The following SV2B variants were observed in gnomAD, a reference collection of about 807,000 sequenced individuals.
SV2B encodes the protein synaptic vesicle glycoprotein 2B, also known as solute carrier family 22 member B2.
SV2B carries 41 observed loss-of-function variants against 73.9 expected under a neutral mutation model. The observed-to-expected ratio is 0.56, with a 90% CI of 0.43 to 0.72. The LOEUF (loss-of-function observed/expected upper bound fraction) is 0.72. Among genes scored for constraint, SV2B ranks in the 30% least tolerant of loss-of-function variants. The pLI, the probability that SV2B is intolerant of heterozygous loss-of-function variation, is 0.00. For synonymous variants in SV2B, 314 were observed against 314.2 expected, an observed-to-expected ratio of 1.00 and a Z score of 0.01; for missense variants, 764 against 857.8, an observed-to-expected ratio of 0.89 and a Z score of 1.37.
chr15:91,211,122 G>A lies in SV2B; in HGVS notation c.-391-14751G>A, dbSNP rs111575973. Among the ~76,000 whole-genome samples, 1,175 of 152,304 alleles carry A rather than the reference G, an allele frequency of 7.7e-3. 13 individuals carry two copies. The highest frequency in any genetic ancestry group is 0.027 in the African/African-American group (1,122 of 41,558). ...AAGGGTCCTGTATGGCCAAATCAAC[G>A]GCAGTAGTTTCGAAGCCGCTAAGAG... On this transcript the variant is annotated intron_variant, in intron 1 of 12. Coordinates refer to ENST00000394232, the MANE Select transcript of SV2B (RefSeq NM_001323032.3).
chr15:91,154,215 T>C (rs2043410426), intron 1 of SV2B, among the ~76,000 whole-genome samples: 1 of 149,998 alleles, frequency 6.7e-6, no homozygotes, highest in Non-Finnish European at 1.5e-5. Flanking sequence ...TAAAGTAATA[T>C]AAAGATACTT....
In SV2B at chr15:91,258,377, A is replaced by G; in HGVS notation, c.785-44A>G. On this transcript the variant is annotated intron_variant, in intron 4 of 12. Transcript: ENST00000394232. This position sits in a 1 kb window ranked among gnomAD's most constrained non-coding sequence, Gnocchi z 4.7. Reference sequence around the variant, plus strand: ...TCAGAGTCACTCTTCCGTAGAGGAAAAGATCATGTCCCAGAAATCCTTTGA... The same window carrying G: ...TCAGAGTCACTCTTCCGTAGAGGAAGAGATCATGTCCCAGAAATCCTTTGA... The G allele has an allele frequency of 6.2e-7, 1 of 1,609,908 alleles. No homozygotes were observed.
At chr15:91,100,163 A>G (rs1314678758), upstream of SV2B, 1 of 151,666 alleles carries the variant, frequency 6.6e-6, no homozygotes, top group Non-Finnish European at 1.5e-5. This position sits in a 1 kb window ranked among gnomAD's most constrained non-coding sequence, Gnocchi z 6.4. Flanking sequence ...CGTGCTCTGT[A>G]GCGCGGGGGC....
intron 1 of SV2B, among the ~76,000 whole-genome samples, chr15:91,117,763 A>G (rs1435989807): frequency 6.6e-6 from 1 of 152,232 alleles, no homozygotes; most frequent in Non-Finnish European, 1.5e-5. Context: ...CTCTTCTCAC[A>G]GTAGAAGACA....
At chr15:91,144,520 C>T (rs182774590) in intron 1 of SV2B, among the ~76,000 whole-genome samples, 1 of 152,154 alleles carries the variant, frequency 6.6e-6, no homozygotes, top group African/African-American at 2.4e-5. Flanking sequence ...GCAATTTTTC[C>T]TTCCTCCTGC....
intron 6 of SV2B, 45 bp downstream of exon 6, chr15:91,260,454 C>T (rs1270899588): frequency 2.0e-6 from 3 of 1,471,368 alleles, no homozygotes; most frequent in Non-Finnish European, 2.8e-6. Context: ...TTCTCCTCTT[C>T]ACTGCTTTGA....
At position 91,258,281 on chromosome 15, in the gene SV2B, GCT is replaced by G; in HGVS notation, c.785-139_785-138del. 6 of 1,188,452 alleles carry G rather than the reference GCT, an allele frequency of 5.0e-6. No individual in the cohort carries two copies. The highest frequency in any genetic ancestry group is 6.9e-6 in the Non-Finnish European group (6 of 866,706). The allele number at this position is 1,188,452 out of a possible 1,614,324, so 73.6% of individuals were successfully genotyped here. A position where few individuals can be genotyped will look rare whatever the true frequency, so the allele number is the denominator to read the frequency against. ...ATGACTCAGAAGCTTCGGAGGCACA[GCT>G]GAGGAGTCTGCATTTTAACCACCTC... On this transcript the variant is annotated intron_variant, in intron 4 of 12. Transcript: ENST00000394232. The surrounding 1 kb of genome is among the most constrained non-coding windows in gnomAD (Gnocchi z 4.7).
chr15:91,226,106 G>GT lies in SV2B; in HGVS notation c.-158_-157insT. On this transcript the variant is annotated 5_prime_UTR_variant, in exon 2 of 13. Coordinates refer to ENST00000394232, the MANE Select transcript of SV2B (RefSeq NM_001323032.3). ...AAATCTGGTTGATTTGAGAGATAAA[G>GT]GGGGGGGGAACCAGTGTGACTTTCA... 3.3e-6 allele frequency: 2 copies of GT among 600,140 alleles called. No individual in the cohort carries two copies. Among genetic ancestry groups the GT allele is most frequent in the African/African-American group, 1.9e-5 (1 of 52,046 alleles). The allele number at this position is 600,140 out of a possible 1,614,324, so 37.2% of individuals were successfully genotyped here.
intron 6 of SV2B, among the ~76,000 whole-genome samples, chr15:91,264,942 G>A (rs2048049357): frequency 6.6e-6 from 1 of 152,104 alleles, no homozygotes. Flanking sequence ...AAAAGGTTAT[G>A]GGCTCAGTAT....
At chr15:91,186,714 G>A (rs567925861) in intron 1 of SV2B, among the ~76,000 whole-genome samples, 5 of 152,340 alleles carry the variant, frequency 3.3e-5, no homozygotes, top group Admixed American at 2.6e-4. Flanking sequence ...TCAGAAGGCT[G>A]TGGGGGGTGA....
rs2042165608 is a variant in SV2B, at chr15:91,115,926, T to C, written c.-392+15563T>C. Among the ~76,000 whole-genome samples the C allele has an allele frequency of 6.6e-6, 1 of 152,156 alleles. No homozygotes were observed. The highest frequency in any genetic ancestry group is 1.5e-5 in the Non-Finnish European group (1 of 68,036). ...CCTCAGGGTGTATAGTGTAGAAGTT[T>C]GTAAAGAAGCTTTGTTTCACATACA... On this transcript the variant is annotated intron_variant, in intron 1 of 12. Coordinates refer to ENST00000394232, the MANE Select transcript of SV2B (RefSeq NM_001323032.3). The surrounding 1 kb of genome is among the most constrained non-coding windows in gnomAD (Gnocchi z 4.3).
At chr15:91,218,597 A>G (rs1224004047) in intron 1 of SV2B, among the ~76,000 whole-genome samples, 2 of 152,212 alleles carry the variant, frequency 1.3e-5, no homozygotes, top group Non-Finnish European at 2.9e-5. Flanking sequence ...TAGAATTACA[A>G]TAAGGTTCTC....
chr15:91,170,734 G>A (rs1429424252), intron 1 of SV2B, among the ~76,000 whole-genome samples: 1 of 152,172 alleles, frequency 6.6e-6, no homozygotes, highest in African/African-American at 2.4e-5. Context: ...ATAGTGCTTG[G>A]CATCAGGCAA....
chr15:91,150,975 A>T (rs1172716517), intron 1 of SV2B, among the ~76,000 whole-genome samples: 4 of 152,224 alleles, frequency 2.6e-5, no homozygotes, highest in African/African-American at 9.6e-5. Flanking sequence ...ATGATGAAAG[A>T]AACCCCCTTA....
rs1371789959 is a variant in SV2B at position 91,226,106 on chromosome 15, G to C, written c.-158G>C. On this transcript the variant is annotated 5_prime_UTR_variant, in exon 2 of 13. Coordinates refer to ENST00000394232, the MANE Select transcript of SV2B (RefSeq NM_001323032.3). ...AAATCTGGTTGATTTGAGAGATAAA[G>C]GGGGGGGGAACCAGTGTGACTTTCA... 3 of 600,140 alleles carry C rather than the reference G, an allele frequency of 5.0e-6. No homozygotes were observed. The highest frequency in any genetic ancestry group is 8.3e-6 in the Non-Finnish European group (3 of 361,524). The allele number at this position is 600,140 out of a possible 1,614,324, so 37.2% of individuals were successfully genotyped here.
rs146556395 is a variant in SV2B, at chr15:91,197,522, C to A, written c.-391-28351C>A. ...TACAGGCGTGAGCCACCGCGCCCAG[C>A]CATCATTGTTTTTAATAGAAGAAAA... On this transcript the variant is annotated intron_variant, in intron 1 of 12. Transcript: ENST00000394232. This position sits in a 1 kb window ranked among gnomAD's most constrained non-coding sequence, Gnocchi z 4.9. Among the ~76,000 whole-genome samples the A allele has an allele frequency of 8.3e-3, 1,251 of 151,322 alleles. 22 individuals are homozygous for A. Among genetic ancestry groups the A allele is most frequent in the African/African-American group, 0.029 (1,202 of 41,206 alleles).
chr15:91,157,264 T>C (rs961648302), intron 1 of SV2B, among the ~76,000 whole-genome samples: 2 of 152,136 alleles, frequency 1.3e-5, no homozygotes, highest in African/African-American at 4.8e-5. Context: ...ATGGTTTCTG[T>C]CTTAGATAAT....
intron 1 of SV2B, among the ~76,000 whole-genome samples, chr15:91,176,650 A>C (rs1056974871): frequency 1.7e-4 from 26 of 152,018 alleles, no homozygotes; most frequent in African/African-American, 5.3e-4. Flanking sequence ...AGTGATGATG[A>C]GCATTTTTTC....
chr15:91,297,008 C>CCCGATCGTTGGGCGCACGCTCCTTCTGT lies in SV2B; in HGVS notation c.*4476_*4477insCCTTCTGTCCGATCGTTGGGCGCACGCT, dbSNP rs1567036275. On this transcript the variant is annotated 3_prime_UTR_variant, in exon 13 of 13. Coordinates refer to ENST00000394232, the MANE Select transcript of SV2B (RefSeq NM_001323032.3). The surrounding 1 kb of genome is among the most constrained non-coding windows in gnomAD (Gnocchi z 5.1). ...GATCGTTGGGCGCACGCTCCTTCTG[C>CCCGATCGTTGGGCGCACGCTCCTTCTGT]CCGATCGTTGGGCGCACGCTTCTTC... is the stretch of plus-strand genomic sequence containing the variant. 1.9e-3 allele frequency: 283 copies of CCCGATCGTTGGGCGCACGCTCCTTCTGT among 147,866 alleles called. 4 individuals carry two copies. The highest frequency in any genetic ancestry group is 7.0e-3 in the African/African-American group (265 of 37,874). The allele number at this position is 147,866 out of a possible 1,614,324, so 9.2% of individuals were successfully genotyped here. A position where few individuals can be genotyped will look rare whatever the true frequency, so the allele number is the denominator to read the frequency against.
Sources: gnomAD v4.1 joint callset for allele counts (sites outside exome capture counted in the v4.1 genomes callset) on GRCh38, gnomAD v4.1.1 for gene constraint, Gnocchi (gnomAD v3.1) non-coding constraint, MANE v1.5 for transcripts, NCBI Gene and HGNC (gene_info 2026-07-23, HGNC 2026-07-21) for gene names.